PNKD: variants seen among roughly 807,000 people sequenced by gnomAD.
The protein encoded by PNKD is probable thioesterase PNKD.
Under a neutral mutation model 45.3 loss-of-function variants are expected in PNKD, and 36 were observed. That is an observed-to-expected ratio of 0.80 (90% confidence interval 0.61 to 1.05). The LOEUF (loss-of-function observed/expected upper bound fraction) is 1.05. PNKD is among the 50% of genes least tolerant of loss of function. The probability of loss-of-function intolerance (pLI) is 0.00; values close to 1 mark genes in which losing one functional copy is unlikely to be tolerated. For missense variants in PNKD, 511 were observed against 506.6 expected, an observed-to-expected ratio of 1.01 and a Z score of -0.08; for synonymous variants, 197 against 210.1, an observed-to-expected ratio of 0.94 and a Z score of 0.54.
chr2:218,270,729 C>CT, intron 1 of PNKD, 127 bp downstream of exon 1: 1 of 423,642 alleles, frequency 2.4e-6, no homozygotes. Flanking sequence ...ATCTTAGAGT[C>CT]TGGGGGTGCA....
In PNKD at chr2:218,344,518, G is replaced by A. The variant is rs61745358; in HGVS notation, c.932G>A (p.Arg311Gln). The A allele has an allele frequency of 2.1e-5, 33 of 1,592,704 alleles. No individual in the cohort carries two copies. The highest frequency in any genetic ancestry group is 4.0e-5 in the African/African-American group (3 of 74,564). The change falls in exon 9 of 10, where the codon CGG (arginine) becomes CAG (glutamine). Residue 311 changes from arginine (R) to glutamine (Q), a missense_variant. Transcript: ENST00000273077. Reference protein sequence around the residue: ...AGVVEPENLARERKMQWVQRQ... With the variant: ...AGVVEPENLAQERKMQWVQRQ... The stretch of plus-strand genomic sequence containing the variant: ...GTGGTGGAGCCCGAGAACCTGGCCC[G>A]GGAGAGGAAGATGCAGTGGGTGCAG...
intron 2 of PNKD, among the ~76,000 whole-genome samples, chr2:218,294,395 C>A (rs939875433): frequency 3.9e-5 from 6 of 152,208 alleles, no homozygotes; most frequent in African/African-American, 1.4e-4. Flanking sequence ...ATCAAGGCAC[C>A]AGCAGGTTAG....
At chr2:218,298,157 G>A (rs888974056) in intron 2 of PNKD, among the ~76,000 whole-genome samples, 18 of 152,166 alleles carry the variant, frequency 1.2e-4, no homozygotes, top group Non-Finnish European at 2.1e-4. Flanking sequence ...GAAGTGGGTG[G>A]CACCATGAGG....
In PNKD at chr2:218,342,796, G is replaced by A. The variant is rs552537436; in HGVS notation, c.781+652G>A. Among the ~76,000 whole-genome samples the A allele has an allele frequency of 9.9e-5, 15 of 152,192 alleles. 1 individual carries two copies. The South Asian group carries it at 3.1e-3, about 32-fold the overall frequency. On this transcript the variant is annotated intron_variant, in intron 7 of 9. Transcript: ENST00000273077. ...GAACTCTGGGAGGCCAAAGCAAGTG[G>A]ATTGCTTGAGCCCAGGAGTTCAAGA...
chr2:218,322,908 A>G (rs1229247109), intron 2 of PNKD, among the ~76,000 whole-genome samples: 2 of 152,216 alleles, frequency 1.3e-5, no homozygotes, highest in Non-Finnish European at 2.9e-5. Context: ...CTGCCAGTTG[A>G]GAAAGTGTAG....
intron 2 of PNKD, chr2:218,275,677 T>A: frequency 6.4e-7 from 1 of 1,571,316 alleles, no homozygotes; most frequent in Non-Finnish European, 8.6e-7. Context: ...CCAGAGCTCA[T>A]TTTTGGTCAG....
At chr2:218,273,054 G>A (rs1241563538) in intron 2 of PNKD, 8 of 815,688 alleles carry the variant, frequency 9.8e-6, no homozygotes, top group Non-Finnish European at 1.2e-5. Flanking sequence ...CTGGATGGTG[G>A]GGCAAACCCA....
At chr2:218,280,058 C>A in intron 2 of PNKD, 1 of 1,614,148 alleles carries the variant, frequency 6.2e-7, no homozygotes, top group South Asian at 1.1e-5. Context: ...ACTTTCCGGT[C>A]ATCCCACTCT....
chr2:218,276,010 TG>T, intron 2 of PNKD: 1 of 1,607,958 alleles, frequency 6.2e-7, no homozygotes, highest in Non-Finnish European at 8.5e-7. Context: ...CTTCCTAGAG[TG>T]GGGCTGGGAC....
intron 2 of PNKD, among the ~76,000 whole-genome samples, chr2:218,311,020 C>A (rs562289851): frequency 6.6e-6 from 1 of 152,312 alleles, no homozygotes; most frequent in African/African-American, 2.4e-5. Flanking sequence ...ACCAATCAAC[C>A]TAGGTTTGTG....
At chr2:218,343,972 A>G (rs1694756031) in intron 8 of PNKD, among the ~76,000 whole-genome samples, 1 of 152,266 alleles carries the variant, frequency 6.6e-6, no homozygotes, top group Non-Finnish European at 1.5e-5. Flanking sequence ...GCATAAAAAC[A>G]TTCACAGATA....
At chr2:218,336,139 C>T (rs1448082483) in intron 2 of PNKD, among the ~76,000 whole-genome samples, 10 of 141,676 alleles carry the variant, frequency 7.1e-5, no homozygotes, top group Admixed American at 4.7e-4. Context: ...CACTTGAACC[C>T]GGGAGGCAGA....
At chr2:218,313,903 C>CTTTTT (rs10550174) in intron 2 of PNKD, among the ~76,000 whole-genome samples, 10 of 77,704 alleles carry the variant, frequency 1.3e-4, no homozygotes, top group Middle Eastern at 8.1e-3. Flanking sequence ...TTCTTTATTT[C>CTTTTT]TTTTTTTTTT....
intron 2 of PNKD, among the ~76,000 whole-genome samples, chr2:218,298,040 C>T (rs562224393): frequency 6.6e-6 from 1 of 151,760 alleles, no homozygotes; most frequent in East Asian, 1.9e-4. Context: ...CTGCATTTCT[C>T]TACCTCCTGT....
intron 2 of PNKD, among the ~76,000 whole-genome samples, chr2:218,296,325 G>A (rs947715835): frequency 2.0e-5 from 3 of 152,224 alleles, no homozygotes; most frequent in Non-Finnish European, 4.4e-5. Flanking sequence ...CAGGAAGAGG[G>A]GTGGAGGAGT....
intron 2 of PNKD, among the ~76,000 whole-genome samples, chr2:218,290,595 G>A (rs540492765): frequency 1.3e-5 from 2 of 152,300 alleles, no homozygotes; most frequent in South Asian, 4.1e-4. Flanking sequence ...AAGGGCCGGG[G>A]GACATATCCA....
intron 2 of PNKD, among the ~76,000 whole-genome samples, chr2:218,282,979 C>T (rs771750790): frequency 1.3e-5 from 2 of 152,194 alleles, no homozygotes; most frequent in South Asian, 2.1e-4. Context: ...AGTGAGTGCA[C>T]GGCCCCTCGC....
intron 2 of PNKD, among the ~76,000 whole-genome samples, chr2:218,316,519 C>G (rs1229428507): frequency 1.3e-5 from 2 of 152,168 alleles, no homozygotes; most frequent in African/African-American, 4.8e-5. Context: ...AATCCGCCTG[C>G]CTTGGCCTCC....
chr2:218,337,465 A>G (rs1206758109), intron 2 of PNKD, among the ~76,000 whole-genome samples: 4 of 152,214 alleles, frequency 2.6e-5, no homozygotes, highest in Non-Finnish European at 4.4e-5. Context: ...TGGTTACCCT[A>G]TCTTCCCTTT....
Sources: allele counts gnomAD v4.1 joint callset (sites outside exome capture counted in the v4.1 genomes callset), GRCh38; gene constraint gnomAD v4.1.1; transcripts MANE v1.5; gene names NCBI Gene and HGNC (gene_info 2026-07-23, HGNC 2026-07-21).